The following LAMA1 variants were observed in gnomAD, a reference collection of about 807,000 sequenced individuals.
LAMA1 encodes laminin subunit alpha 1.
Under a neutral mutation model 348.7 loss-of-function variants are expected in LAMA1, and 219 were observed. The observed-to-expected ratio is 0.63, with a 90% CI of 0.56 to 0.70. The LOEUF is 0.70. Among genes scored for constraint, LAMA1 ranks in the 30% least tolerant of loss-of-function variants. The pLI, the probability that LAMA1 is intolerant of heterozygous loss-of-function variation, is 0.00. For missense variants in LAMA1, 3,744 were observed against 3,888.0 expected (o/e 0.96, Z 0.99); for synonymous variants, 1,487 against 1,491.0 (o/e 1.00, Z 0.06).
At chr18:7,066,518 G>A (rs1055806827) in intron 3 of LAMA1, among the ~76,000 whole-genome samples, 5 of 152,062 alleles carry the variant, frequency 3.3e-5, no homozygotes, top group East Asian at 1.9e-4. Flanking sequence ...TGTCACCACC[G>A]TGTTATAGCA....
chr18:7,026,535 C>T (rs2057944330), intron 16 of LAMA1, among the ~76,000 whole-genome samples: 1 of 152,152 alleles, frequency 6.6e-6, no homozygotes, highest in East Asian at 1.9e-4. Context: ...TGACCAACAC[C>T]TTGCCTGTGT....
rs140577242 is a variant in LAMA1, at chr18:6,999,568, G to A, written c.4540C>T (p.His1514Tyr). ...TCACAGTCACCGTGGACAGAGCCGT[G>A]CGGGTTGCAGTCACACTTCTGGCAA... ...GSCQKCDCNP[H>Y]GSVHGDCDRT... Residue 1514 changes from histidine (H) to tyrosine (Y), a missense_variant, in exon 32 of 63, where the codon CAC becomes TAC. Physicochemically the swap from His to Tyr is moderately conservative, Grantham distance 83. Coordinates refer to ENST00000389658, the MANE Select transcript of LAMA1 (RefSeq NM_005559.4). 1.8e-3 allele frequency: 2,862 copies of A among 1,614,072 alleles called. 10 individuals are homozygous for A. The highest frequency in any genetic ancestry group is 1.6e-3 in the Non-Finnish European group (1,913 of 1,179,996).
intron 3 of LAMA1, among the ~76,000 whole-genome samples, chr18:7,078,398 C>G (rs934155702): frequency 1.3e-5 from 2 of 151,682 alleles, no homozygotes; most frequent in African/African-American, 2.4e-5. Flanking sequence ...GATCTCCTGA[C>G]CTCGTGATCC....
chr18:7,015,618 T>A, intron 22 of LAMA1, 104 bp downstream of exon 22: 5 of 1,257,216 alleles, frequency 4.0e-6, no homozygotes, highest in Non-Finnish European at 5.7e-6. Flanking sequence ...TTCACAAAGC[T>A]ATTCAACAGA....
chr18:7,075,054 A>G (rs1029186799), intron 3 of LAMA1, among the ~76,000 whole-genome samples: 2 of 150,302 alleles, frequency 1.3e-5, no homozygotes, highest in South Asian at 4.2e-4. Flanking sequence ...GAACAGGATC[A>G]ATGTTAGCAT....
intron 33 of LAMA1, among the ~76,000 whole-genome samples, chr18:6,997,020 G>A (rs1273624461): frequency 6.6e-6 from 1 of 152,050 alleles, no homozygotes; most frequent in Non-Finnish European, 1.5e-5. Context: ...ATACCTTAAA[G>A]AAGATACTGT....
intron 1 of LAMA1, among the ~76,000 whole-genome samples, chr18:7,093,394 C>T (rs542958978): frequency 1.2e-4 from 18 of 151,872 alleles, no homozygotes; most frequent in South Asian, 8.3e-4. Context: ...CCAGCCTGGG[C>T]GACAGAGCCA....
At chr18:7,017,447 G>A (rs1242683986) in intron 19 of LAMA1, 63 bp from the exon 20 acceptor site, 9 of 1,167,064 alleles carry the variant, frequency 7.7e-6, no homozygotes, top group South Asian at 1.3e-5. Flanking sequence ...CATAAGATCC[G>A]TCATCCCCAA....
rs200691695 is a variant in LAMA1, at chr18:6,953,175, G to A, written c.8207+2178C>T. On this transcript the variant is annotated intron_variant, in intron 57 of 62. Transcript: ENST00000389658. ...GGAGCCATGTCTGCCTGTGTCCAGC[G>A]GATCCACGCCATGGGAGCCATGTCT... Among the ~76,000 whole-genome samples, 184 of 150,540 alleles carry A rather than the reference G, an allele frequency of 1.2e-3. 6 individuals carry two copies. The highest frequency in any genetic ancestry group is 0.012 in the East Asian group (61 of 5,098).
intron 49 of LAMA1, 106 bp from the exon 50 acceptor site, chr18:6,965,538 CTG>C (rs2057629411): frequency 1.5e-6 from 2 of 1,340,548 alleles, no homozygotes; most frequent in East Asian, 2.3e-5. Flanking sequence ...ACTGAGAAAA[CTG>C]GATCTGGCCC....
At position 6,947,286 on chromosome 18, in the gene LAMA1, G is replaced by A; in HGVS notation, c.8721C>T (p.Gly2907=). 1.2e-6 allele frequency: 2 copies of A among 1,613,714 alleles called. No individual in the cohort carries two copies. The highest frequency in any genetic ancestry group is 1.7e-6 in the Non-Finnish European group (2 of 1,180,030). ...GSGYAALVKE[G]YKVQSDVNIT... is the part of the protein sequence containing the mutation. ...TGTTCACATCTGACTGGACTTTGTA[G>A]CCCTCTTTGACTGTAACACACAAGG... is the stretch of plus-strand genomic sequence containing the variant. The change falls in exon 61 of 63, where the codon GGC becomes GGT. Residue 2907 remains glycine (G), a synonymous_variant. Coordinates refer to ENST00000389658, the MANE Select transcript of LAMA1 (RefSeq NM_005559.4).
chr18:7,082,895 T>G (rs950285538), intron 1 of LAMA1, among the ~76,000 whole-genome samples: 4 of 142,610 alleles, frequency 2.8e-5, no homozygotes, highest in African/African-American at 1.2e-4. Flanking sequence ...CACTTGCTCC[T>G]TATTCACCCC....
chr18:7,106,318 A>C (rs1332245159), intron 1 of LAMA1, among the ~76,000 whole-genome samples: 1 of 151,286 alleles, frequency 6.6e-6, no homozygotes, highest in Non-Finnish European at 1.5e-5. Flanking sequence ...ATGTTAACTG[A>C]GTGGTTCTCA....
chr18:7,032,867 C>T, intron 15 of LAMA1, 117 bp downstream of exon 15: 1 of 774,802 alleles, frequency 1.3e-6, no homozygotes, highest in East Asian at 2.7e-5. Flanking sequence ...AAAGACTGAG[C>T]CAAACATTGG....
In LAMA1 at chr18:7,013,850, C is replaced by T. The variant is rs529260934; in HGVS notation, c.3328G>A (p.Gly1110Ser). Residue 1110 changes from glycine (G) to serine (S), a missense_variant, in exon 23 of 63, where the codon GGC becomes AGC. Around this residue, in one of 3 missense-constraint regions of LAMA1, gnomAD observed 1,529 missense variants for 1,689.4 expected, o/e 0.91. Transcript: ENST00000389658. ...DACNLEQGLC[G>S]CVEETGACPC... ...CAGGCCCCGGTTTCCTCCACACAGC[C>T]GCAGAGACCCTGCTCCAGGTTGCAG... 3.5e-5 allele frequency: 57 copies of T among 1,611,712 alleles called. No homozygotes were observed. The highest frequency in any genetic ancestry group is 5.3e-5 in the African/African-American group (4 of 74,958).
intron 32 of LAMA1, 30 bp downstream of exon 32, chr18:6,999,415 T>C (rs2057797239): frequency 1.2e-6 from 2 of 1,612,898 alleles, no homozygotes; most frequent in Non-Finnish European, 1.7e-6. Context: ...GGAAAAACCA[T>C]CTTTACACAT....
intron 3 of LAMA1, among the ~76,000 whole-genome samples, chr18:7,061,183 T>C (rs1290678881): frequency 6.6e-6 from 1 of 152,178 alleles, no homozygotes; most frequent in Non-Finnish European, 1.5e-5. Context: ...AGTGTTGAAC[T>C]GCTTTATCTA....
chr18:7,004,670 A>C (rs905049795), intron 29 of LAMA1, among the ~76,000 whole-genome samples: 7 of 152,148 alleles, frequency 4.6e-5, no homozygotes, highest in Non-Finnish European at 7.3e-5. Context: ...TTTTATGATA[A>C]CACCAAATGC....
Position 7,113,239 on chromosome 18 carries a change from T to C in LAMA1, c.61+4421A>G, listed in dbSNP as rs139435991. Among the ~76,000 whole-genome samples, 236 of 152,246 alleles carry C rather than the reference T, an allele frequency of 1.6e-3. 5 individuals carry two copies. In the East Asian group the frequency reaches 0.033, roughly 21 times the overall value. ...TTTCCAGGGTTCTTTAGAACCCAAA[T>C]GAAAGATGTGTCCGGCACTTAAGAG... On this transcript the variant is annotated intron_variant, in intron 1 of 62. Transcript: ENST00000389658.
Sources: allele counts gnomAD v4.1 joint callset (sites outside exome capture counted in the v4.1 genomes callset), GRCh38; gene constraint gnomAD v4.1.1; regional missense constraint gnomAD v4.1.1; transcripts MANE v1.5; gene names NCBI Gene and HGNC (gene_info 2026-07-23, HGNC 2026-07-21).